Variants in CUL3 observed in about 807,000 individuals in gnomAD.
The protein encoded by CUL3 is cullin 3.
In CUL3, 19 loss-of-function variants were observed where a neutral mutation model predicts 89.1. The ratio of observed to expected loss-of-function variants is 0.21; its 90% confidence interval spans 0.15 to 0.31. CUL3 has a LOEUF of 0.31. Among genes scored for constraint, CUL3 ranks in the 10% least tolerant of loss-of-function variants. CUL3 has a pLI of 1.00. For synonymous variants in CUL3, 351 were observed against 308.4 expected, an observed-to-expected ratio of 1.14 and a Z score of -1.45; for missense variants, 469 against 942.3, an observed-to-expected ratio of 0.50 and a Z score of 6.58.
intron 15 of CUL3, among the ~76,000 whole-genome samples, chr2:224,475,989 T>G (rs1691302714): frequency 6.6e-6 from 1 of 152,106 alleles, no homozygotes. Context: ...CTGTAAAATT[T>G]TACTGAAACA....
At chr2:224,584,451 G>A (rs1695523600) in intron 1 of CUL3, among the ~76,000 whole-genome samples, 1 of 152,168 alleles carries the variant, frequency 6.6e-6, no homozygotes, top group African/African-American at 2.4e-5. Flanking sequence ...CAGGTTGATG[G>A]CATAGACCTT....
At chr2:224,494,833 G>A (rs927758830) in intron 13 of CUL3, among the ~76,000 whole-genome samples, 1 of 152,038 alleles carries the variant, frequency 6.6e-6, no homozygotes, top group Admixed American at 6.5e-5. Context: ...ATTCAGGGTA[G>A]GCAATAATTT....
chr2:224,508,692 G>T (rs1294305317), intron 6 of CUL3, among the ~76,000 whole-genome samples: 1 of 152,142 alleles, frequency 6.6e-6, no homozygotes, highest in Non-Finnish European at 1.5e-5. Context: ...AGACACGGTG[G>T]CTCACGCCTG....
intron 15 of CUL3, among the ~76,000 whole-genome samples, chr2:224,477,139 C>T (rs1471716916): frequency 6.6e-6 from 1 of 152,146 alleles, no homozygotes; most frequent in Admixed American, 6.5e-5. Flanking sequence ...ATTTTGTTTT[C>T]TTTTCCTTCT....
At chr2:224,511,155 A>G (rs1242841057) in intron 6 of CUL3, among the ~76,000 whole-genome samples, 199 bp downstream of exon 6, 1 of 152,228 alleles carries the variant, frequency 6.6e-6, no homozygotes, top group Non-Finnish European at 1.5e-5. Context: ...TGCTCAATTC[A>G]TTAGAAATAT....
rs1481278092 is a variant in CUL3 at position 224,485,123 on chromosome 2, C to G, written c.1843-3045G>C. 1 of 152,324 alleles carries G rather than the reference C, an allele frequency of 6.6e-6. No individual in the cohort carries two copies. The highest frequency in any genetic ancestry group is 1.5e-5 in the Non-Finnish European group (1 of 68,138). 9.4% of individuals were successfully genotyped at this position (152,324 alleles called of 1,614,324 possible). On this transcript the variant is annotated intron_variant, in intron 13 of 15. Transcript: ENST00000264414. The surrounding 1 kb of genome is among the most constrained non-coding windows in gnomAD (Gnocchi z 4.1). ...CTTTGCCCACAGTTTTTGCAACCCG[C>G]AGACCAGGAGATTCCCTTGTGTGCC...
rs778175467 is a variant in CUL3 at position 224,474,330 on chromosome 2, A to G, written c.2222T>C (p.Ile741Thr). ...KARFLPSPVV[I>T]KKRIEGLIER... is the part of the protein sequence containing the mutation. ...AATAAGTCCTTCAATACGTTTCTTA[A>G]TAACAACTGGACTTGGTAAGAATCG... Residue 741 changes from isoleucine (I) to threonine (T), a missense_variant, in exon 16 of 16, where the codon ATT (isoleucine) becomes ACT (threonine). By Grantham distance (89) the Ile-to-Thr change is moderately conservative. This residue lies in a region of CUL3 where 65 missense variants were observed against 147.8 expected (regional missense o/e 0.44). Coordinates refer to ENST00000264414, the MANE Select transcript of CUL3 (RefSeq NM_003590.5). The G allele has an allele frequency of 1.1e-5, 18 of 1,614,016 alleles. No homozygotes were observed. The highest frequency in any genetic ancestry group is 1.4e-5 in the Non-Finnish European group (16 of 1,179,916).
At chr2:224,510,142 C>T (rs953321704) in intron 6 of CUL3, among the ~76,000 whole-genome samples, 2 of 150,890 alleles carry the variant, frequency 1.3e-5, no homozygotes, top group African/African-American at 4.9e-5. Context: ...CCATTTTATT[C>T]AACAACAAAA....
intron 3 of CUL3, among the ~76,000 whole-genome samples, chr2:224,526,567 C>A (rs1396361427): frequency 8.8e-6 from 1 of 113,666 alleles, no homozygotes; most frequent in Admixed American, 1.4e-4. Context: ...GCCTGGGCGA[C>A]AGAGGGAGAC....
rs551462654 is a variant in CUL3, at chr2:224,502,485, C to T, written c.1485+480G>A. Among the ~76,000 whole-genome samples, 3 of 152,242 alleles carry T rather than the reference C, an allele frequency of 2.0e-5. No individual in the cohort carries two copies. The East Asian group carries it at 5.8e-4, about 29-fold the overall frequency. On this transcript the variant is annotated intron_variant, in intron 10 of 15. Transcript: ENST00000264414. ...ACATTAATTTCTGTGTTTTTATAGTCTCACTTCACCTGCTACGCACCCTTA... is the reference window on the plus strand; with the variant it reads ...ACATTAATTTCTGTGTTTTTATAGTTTCACTTCACCTGCTACGCACCCTTA...
At chr2:224,501,035 G>C (rs1302189148) in intron 10 of CUL3, among the ~76,000 whole-genome samples, 3 of 152,086 alleles carry the variant, frequency 2.0e-5, no homozygotes, top group Non-Finnish European at 4.4e-5. Flanking sequence ...ACTGACCAAA[G>C]AATAGTTTTT....
intron 2 of CUL3, among the ~76,000 whole-genome samples, chr2:224,553,882 G>C (rs1694607761): frequency 6.6e-6 from 1 of 152,208 alleles, no homozygotes; most frequent in Non-Finnish European, 1.5e-5. Flanking sequence ...AGTAGCTTAA[G>C]ATGAGGAAGA....
intron 15 of CUL3, among the ~76,000 whole-genome samples, chr2:224,477,501 C>T (rs1691368776): frequency 1.3e-5 from 2 of 152,238 alleles, no homozygotes. Flanking sequence ...AATGCAACTT[C>T]TAGCCCTCAT....
chr2:224,517,389 C>G (rs905478684), intron 3 of CUL3, among the ~76,000 whole-genome samples: 1 of 152,010 alleles, frequency 6.6e-6, no homozygotes, highest in Non-Finnish European at 1.5e-5. Flanking sequence ...TGTATACATA[C>G]AGGCCAGGTG....
intron 1 of CUL3, among the ~76,000 whole-genome samples, chr2:224,559,571 G>A (rs1291287152): frequency 6.6e-6 from 1 of 151,796 alleles, no homozygotes; most frequent in Non-Finnish European, 1.5e-5. Context: ...TCACAGGCAA[G>A]AAGAGGAGAT....
intron 2 of CUL3, among the ~76,000 whole-genome samples, chr2:224,545,361 A>G (rs528000993): frequency 1.3e-5 from 2 of 152,290 alleles, no homozygotes; most frequent in South Asian, 4.1e-4. Context: ...TAGCCACTGT[A>G]GGGAAAAAAT....
intron 1 of CUL3, among the ~76,000 whole-genome samples, chr2:224,583,356 T>C (rs1695487599): frequency 2.0e-5 from 3 of 152,096 alleles, no homozygotes; most frequent in Admixed American, 2.0e-4. Flanking sequence ...AGCGAAACTC[T>C]TGTCTCAAAA....
chr2:224,515,695 C>CTTT (rs11368683), intron 3 of CUL3, among the ~76,000 whole-genome samples: 2 of 145,292 alleles, frequency 1.4e-5, no homozygotes, highest in Admixed American at 6.8e-5. Flanking sequence ...ACTTTCCAAA[C>CTTT]TTTTTTTTTT....
intron 3 of CUL3, among the ~76,000 whole-genome samples, chr2:224,529,722 G>A (rs1314883325): frequency 2.0e-5 from 3 of 152,172 alleles, no homozygotes; most frequent in African/African-American, 7.2e-5. Context: ...CAAGCATTAG[G>A]AAGGGGTGGA....
Sources: gnomAD v4.1 joint callset for allele counts (sites outside exome capture counted in the v4.1 genomes callset) on GRCh38, gnomAD v4.1.1 for gene constraint, gnomAD v4.1.1 regional missense constraint, Gnocchi (gnomAD v3.1) non-coding constraint, MANE v1.5 for transcripts, NCBI Gene and HGNC (gene_info 2026-07-23, HGNC 2026-07-21) for gene names.